The following RABGAP1 variants were observed in gnomAD, a reference collection of about 807,000 sequenced individuals.
The protein encoded by RABGAP1 is rab GTPase-activating protein 1.
Under a neutral mutation model 137.6 loss-of-function variants are expected in RABGAP1, and 23 were observed. The observed-to-expected ratio is 0.17, with a 90% confidence interval of 0.12 to 0.24. RABGAP1 has a LOEUF of 0.24. RABGAP1 is among the 10% of genes least tolerant of loss of function. The probability of loss-of-function intolerance (pLI) is 1.00; values close to 1 mark genes in which losing one functional copy is unlikely to be tolerated. For synonymous variants in RABGAP1, 451 were observed against 450.7 expected, an observed-to-expected ratio of 1.00 and a Z score of -0.01; for missense variants, 906 against 1,275.8, an observed-to-expected ratio of 0.71 and a Z score of 4.42.
intron 4 of RABGAP1, among the ~76,000 whole-genome samples, chr9:122,988,758 G>A (rs1836501277): frequency 1.3e-5 from 2 of 151,792 alleles, no homozygotes; most frequent in South Asian, 2.1e-4. Flanking sequence ...GACCATTCTG[G>A]CTAACCTGCC....
At chr9:123,004,621 A>G (rs774356267) in intron 10 of RABGAP1, among the ~76,000 whole-genome samples, 1 of 152,142 alleles carries the variant, frequency 6.6e-6, no homozygotes, top group Non-Finnish European at 1.5e-5. Context: ...TCTGTTGGTG[A>G]TATTTACCTG....
At chr9:122,966,281 A>G (rs994025258) in intron 2 of RABGAP1, among the ~76,000 whole-genome samples, 3 of 152,026 alleles carry the variant, frequency 2.0e-5, no homozygotes, top group Non-Finnish European at 4.4e-5. Context: ...TCCCAGCACT[A>G]TGGGAGGCTG....
At chr9:123,049,290 T>G (rs956256349) in intron 13 of RABGAP1, among the ~76,000 whole-genome samples, 5 of 152,018 alleles carry the variant, frequency 3.3e-5, no homozygotes, top group South Asian at 2.1e-4. Context: ...TATGGTGTTT[T>G]TTGTTGTTGT....
chr9:122,934,005 C>T, the RABGAP1 span, among the ~76,000 whole-genome samples: 1 of 152,124 alleles, frequency 6.6e-6, no homozygotes, highest in Middle Eastern at 3.4e-3. Flanking sequence ...TGGCCTCAAG[C>T]TATCTTTGGT....
At chr9:123,019,797 C>T (rs779986285) in intron 12 of RABGAP1, among the ~76,000 whole-genome samples, 29 of 152,164 alleles carry the variant, frequency 1.9e-4, no homozygotes, top group Non-Finnish European at 3.8e-4. Context: ...TCAAGCAGTT[C>T]TTCTGCCTCA....
intron 8 of RABGAP1, chr9:122,997,025 G>T: frequency 1.7e-6 from 1 of 592,440 alleles, no homozygotes. Context: ...TTTAGGTTGT[G>T]GATTTTCTTA....
chr9:123,104,800 GT>G lies in RABGAP1; in HGVS notation c.*1588del, dbSNP rs1652910961. 6.6e-6 allele frequency: 1 copy of G among 152,208 alleles called. No homozygotes were observed. Among genetic ancestry groups the G allele is most frequent in the Non-Finnish European group, 1.5e-5 (1 of 68,042 alleles). 9.4% of individuals were successfully genotyped at this position (152,208 alleles called of 1,614,324 possible). A position where few individuals can be genotyped will look rare whatever the true frequency, so the allele number is the denominator to read the frequency against. On this transcript the variant is annotated 3_prime_UTR_variant, in exon 26 of 26. Transcript: ENST00000373647. ...AATTGAAATATAAACCAGTAAAATT[GT>G]ATTACTGTTTCTTTTGTTGGTTTTA...
intron 13 of RABGAP1, chr9:123,035,566 G>T (rs775422505): frequency 2.5e-6 from 4 of 1,612,064 alleles, no homozygotes; most frequent in Non-Finnish European, 2.5e-6. Context: ...TACAGCCAAC[G>T]ACCCTTACAC....
chr9:123,103,125 A>G lies in RABGAP1; in HGVS notation c.3122A>G (p.Glu1041Gly). The change falls in exon 26 of 26, where the codon GAG (glutamate) becomes GGG (glycine). Residue 1041 changes from glutamate to glycine, a missense_variant. This residue lies in a region of RABGAP1 where 193 missense variants were observed against 248.1 expected (regional missense o/e 0.78). Transcript: ENST00000373647. ...CACCATTTAGGGCTTGCCCTCAATG[A>G]GGTGCAGGCAGCCAAGAAGACGTGG... is the stretch of plus-strand genomic sequence containing the variant. Reference protein sequence around the residue: ...LEHHLGLALNEVQAAKKTWFN... With the variant: ...LEHHLGLALNGVQAAKKTWFN... 1.2e-6 allele frequency: 2 copies of G among 1,614,102 alleles called. No homozygotes were observed. Among genetic ancestry groups the G allele is most frequent in the Admixed American group, 1.7e-5 (1 of 60,028 alleles).
intron 2 of RABGAP1, among the ~76,000 whole-genome samples, chr9:122,981,246 G>A (rs777292567): frequency 2.0e-5 from 3 of 151,958 alleles, no homozygotes; most frequent in African/African-American, 4.8e-5. Context: ...GGCTGGTCTC[G>A]AACTCCTGGC....
intron 4 of RABGAP1, among the ~76,000 whole-genome samples, chr9:122,987,017 G>T (rs1836407072): frequency 6.6e-6 from 1 of 152,024 alleles, no homozygotes; most frequent in South Asian, 2.1e-4. Context: ...CACACCTATA[G>T]TCCCAGCTAC....
rs74726534 is a variant in RABGAP1, at chr9:123,066,723, T to C, written c.1908+1262T>C. Among the ~76,000 whole-genome samples the C allele has an allele frequency of 1.1e-3, 171 of 152,284 alleles. 3 individuals carry two copies. The East Asian group carries it at 0.031, about 28-fold the overall frequency. On this transcript the variant is annotated intron_variant, in intron 14 of 25. Coordinates refer to ENST00000373647, the MANE Select transcript of RABGAP1 (RefSeq NM_012197.4). ...TCATCACTGTACAGATGTTCACAAA[T>C]CTACATTAACTCAAGGTCTAAATTT... is the stretch of plus-strand genomic sequence containing the variant.
chr9:123,057,139 T>C (rs1460071331), intron 13 of RABGAP1, among the ~76,000 whole-genome samples: 3 of 149,406 alleles, frequency 2.0e-5, no homozygotes, highest in Admixed American at 6.6e-5. Context: ...ACGGGGCGGC[T>C]GGCCTGGCGG....
At chr9:122,993,944 A>G (rs1438062225) in intron 6 of RABGAP1, among the ~76,000 whole-genome samples, 4 of 152,192 alleles carry the variant, frequency 2.6e-5, no homozygotes, top group African/African-American at 7.2e-5. Context: ...GATTCCAAGC[A>G]TGAGCCACCG....
At chr9:123,079,870 T>G (rs2034653557) in intron 19 of RABGAP1, among the ~76,000 whole-genome samples, 1 of 152,210 alleles carries the variant, frequency 6.6e-6, no homozygotes, top group Non-Finnish European at 1.5e-5. Context: ...CTATCTTATT[T>G]TTCCCTACTG....
chr9:123,090,904 AC>A (rs1447328584), intron 21 of RABGAP1, among the ~76,000 whole-genome samples: 2 of 152,206 alleles, frequency 1.3e-5, no homozygotes, highest in Admixed American at 1.3e-4. Context: ...CCTGGCAGAA[AC>A]CCTTTTCTAT....
intron 12 of RABGAP1, among the ~76,000 whole-genome samples, chr9:123,017,906 G>A (rs752151184): frequency 3.9e-5 from 6 of 152,174 alleles, no homozygotes; most frequent in Non-Finnish European, 7.4e-5. Context: ...ACACAGTCAC[G>A]GCTGATCCCA....
At chr9:123,045,125 A>C (rs887908523) in intron 13 of RABGAP1, among the ~76,000 whole-genome samples, 5 of 152,230 alleles carry the variant, frequency 3.3e-5, no homozygotes, top group Non-Finnish European at 7.3e-5. Context: ...CATATTTTCA[A>C]AGTAAAGTTT....
intron 10 of RABGAP1, among the ~76,000 whole-genome samples, chr9:123,002,116 A>G (rs970771787): frequency 3.3e-5 from 5 of 152,236 alleles, no homozygotes; most frequent in Admixed American, 1.3e-4. Flanking sequence ...AGCCTGACCA[A>G]CATGGAGAAA....
Sources: gnomAD v4.1 joint callset for allele counts (sites outside exome capture counted in the v4.1 genomes callset) on GRCh38, gnomAD v4.1.1 for gene constraint, gnomAD v4.1.1 regional missense constraint, MANE v1.5 for transcripts, NCBI Gene and HGNC (gene_info 2026-07-23, HGNC 2026-07-21) for gene names.